LARP4B: variants seen among roughly 807,000 people sequenced by gnomAD.
LARP4B encodes la-related protein 4B.
LARP4B carries 12 observed loss-of-function variants against 89.8 expected under a neutral mutation model. The observed-to-expected ratio is 0.13, with a 90% confidence interval of 0.09 to 0.22. The LOEUF is 0.22. Among genes scored for constraint, LARP4B ranks in the 10% least tolerant of loss-of-function variants. The probability of loss-of-function intolerance (pLI) is 1.00; values close to 1 mark genes in which losing one functional copy is unlikely to be tolerated. For synonymous variants in LARP4B, 367 were observed against 363.3 expected (o/e 1.01, Z -0.12); for missense variants, 757 against 947.7 (o/e 0.80, Z 2.64).
At chr10:906,741 C>T (rs575349169) in intron 1 of LARP4B, among the ~76,000 whole-genome samples, 2 of 152,306 alleles carry the variant, frequency 1.3e-5, no homozygotes, top group South Asian at 4.2e-4. Flanking sequence ...AAAACAAATA[C>T]GAACTGATAA....
intron 14 of LARP4B, chr10:820,570 C>T (rs538738589): frequency 2.4e-5 from 12 of 505,070 alleles, no homozygotes; most frequent in South Asian, 5.4e-5. Flanking sequence ...CAGCACAACA[C>T]GCCTGTGCAC....
chr10:863,225 C>CTTTTT (rs1564414569), intron 5 of LARP4B, among the ~76,000 whole-genome samples: 1 of 146,670 alleles, frequency 6.8e-6, no homozygotes, highest in Non-Finnish European at 1.5e-5. Flanking sequence ...AAATAGGTTT[C>CTTTTT]ATTTTTTTTT....
At chr10:988,291 C>T in the LARP4B span, 1 of 606,544 alleles carries the variant, frequency 1.6e-6, no homozygotes, top group Non-Finnish European at 3.0e-6. Context: ...CTCACACGCC[C>T]TCCGTGGCTG....
chr10:807,084 G>A (rs1831585170), downstream of LARP4B: 1 of 152,282 alleles, frequency 6.6e-6, no homozygotes, highest in African/African-American at 2.4e-5. Flanking sequence ...ACACCGACAG[G>A]AGTGAAAAAG....
At chr10:855,863 C>G (rs1834273873) in intron 5 of LARP4B, among the ~76,000 whole-genome samples, 1 of 152,208 alleles carries the variant, frequency 6.6e-6, no homozygotes, top group South Asian at 2.1e-4. Context: ...CTACTGGAGT[C>G]AAAGCGGGCT....
chr10:833,274 A>AAC (rs1833013514), intron 8 of LARP4B, among the ~76,000 whole-genome samples: 1 of 143,932 alleles, frequency 6.9e-6, no homozygotes, highest in Admixed American at 6.9e-5. Context: ...AAAAAAAAAA[A>AAC]AAAAAAAAAA....
At position 854,987 on chromosome 10, in the gene LARP4B, T is replaced by C. The variant is rs761220914; in HGVS notation, c.430+8756A>G. On this transcript the variant is annotated intron_variant, in intron 5 of 17. Coordinates refer to ENST00000316157, the MANE Select transcript of LARP4B (RefSeq NM_015155.3). ...TGTTTCACCTTGCATTTTTATGTTA[T>C]GGAGACTGCTTCTTTTCTTTAACTT... Among the ~76,000 whole-genome samples the C allele has an allele frequency of 4.6e-5, 7 of 152,276 alleles. No individual in the cohort carries two copies. In the South Asian group the frequency reaches 1.2e-3, roughly 27 times the overall value.
intron 1 of LARP4B, among the ~76,000 whole-genome samples, chr10:895,628 G>A (rs142794742): frequency 1.8e-3 from 269 of 147,678 alleles, no homozygotes; most frequent in African/African-American, 6.1e-3. Flanking sequence ...AGCTGAAAGC[G>A]CACCACTATA....
At chr10:916,151 T>G (rs1836814502) in intron 1 of LARP4B, among the ~76,000 whole-genome samples, 1 of 152,176 alleles carries the variant, frequency 6.6e-6, no homozygotes, top group African/African-American at 2.4e-5. Flanking sequence ...TACATGAGAT[T>G]TCTGAAATCC....
chr10:945,687 CAG>C, the LARP4B span, among the ~76,000 whole-genome samples: 2 of 76,198 alleles, frequency 2.6e-5, no homozygotes, highest in African/African-American at 8.8e-5. Context: ...GACTCCGTCT[CAG>C]AAAAAAAAAA....
At chr10:833,966 A>G (rs1391218054) in intron 8 of LARP4B, among the ~76,000 whole-genome samples, 1 of 152,176 alleles carries the variant, frequency 6.6e-6, no homozygotes, top group Non-Finnish European at 1.5e-5. Flanking sequence ...CTCACAAGAA[A>G]TCCACTTTAA....
chr10:980,130 A>G, the LARP4B span, among the ~76,000 whole-genome samples: 3 of 152,206 alleles, frequency 2.0e-5, no homozygotes, highest in Non-Finnish European at 1.5e-5. Flanking sequence ...CTTTGACTCC[A>G]TGTCTCACAT....
chr10:916,444 C>T (rs1836824667), intron 1 of LARP4B, among the ~76,000 whole-genome samples: 1 of 151,968 alleles, frequency 6.6e-6, no homozygotes, highest in Non-Finnish European at 1.5e-5. Context: ...GCCTGTAATC[C>T]CATCACTTTG....
At chr10:885,582 T>C in intron 2 of LARP4B, 59 bp downstream of exon 2, 5 of 1,254,534 alleles carry the variant, frequency 4.0e-6, no homozygotes, top group African/African-American at 3.0e-5. Flanking sequence ...AACTCCAATA[T>C]AGAGTCCTTT....
At position 885,612 on chromosome 10, in the gene LARP4B, T is replaced by C. The variant is rs923003040; in HGVS notation, c.81+29A>G. 1.5e-5 allele frequency: 24 copies of C among 1,574,286 alleles called. No individual in the cohort carries two copies. The Admixed American group carries it at 4.4e-4, about 29-fold the overall frequency. On this transcript the variant is annotated intron_variant, in intron 2 of 17. Transcript: ENST00000316157. ...TCCTTTATCAAAAAAAGCAATGGACTCCCCACCACCCCATTCGACAGCACC... is the reference window on the plus strand; with the variant it reads ...TCCTTTATCAAAAAAAGCAATGGACCCCCCACCACCCCATTCGACAGCACC...
chr10:840,871 GCCAGGCAT>G (rs1435190541), intron 7 of LARP4B, among the ~76,000 whole-genome samples: 1 of 152,180 alleles, frequency 6.6e-6, no homozygotes, highest in Non-Finnish European at 1.5e-5. Context: ...ATAAGATGAG[GCCAGGCAT>G]GGTGGCTCAC....
chr10:910,019 G>A (rs957794554), intron 1 of LARP4B, among the ~76,000 whole-genome samples: 6 of 152,150 alleles, frequency 3.9e-5, no homozygotes, highest in Admixed American at 6.6e-5. Context: ...CCAGAGAGCC[G>A]TGAGTGTGGG....
At chr10:938,752 A>G in the LARP4B span, among the ~76,000 whole-genome samples, 1 of 152,204 alleles carries the variant, frequency 6.6e-6, no homozygotes, top group East Asian at 1.9e-4. Context: ...GAACATGACA[A>G]AACCTTAATT....
intron 1 of LARP4B, among the ~76,000 whole-genome samples, chr10:928,648 C>T (rs1837220456): frequency 6.6e-6 from 1 of 152,180 alleles, no homozygotes; most frequent in Non-Finnish European, 1.5e-5. Context: ...GTGGCAGGAT[C>T]ATGGCTCACT....
Sources: allele counts gnomAD v4.1 joint callset (sites outside exome capture counted in the v4.1 genomes callset), GRCh38; gene constraint gnomAD v4.1.1; transcripts MANE v1.5; gene names NCBI Gene and HGNC (gene_info 2026-07-23, HGNC 2026-07-21).